SEM1: variants seen among roughly 807,000 people sequenced by gnomAD.
The protein encoded by SEM1 is 26S proteasome complex subunit SEM1.
Under a neutral mutation model 12.7 loss-of-function variants are expected in SEM1, and 3 were observed. The observed-to-expected ratio is 0.24, with a 90% CI of 0.11 to 0.61. The LOEUF is 0.61. Among genes scored for constraint, SEM1 ranks in the 20% least tolerant of loss-of-function variants. SEM1 has a pLI of 0.88. For missense variants in SEM1, 59 were observed against 81.3 expected (o/e 0.73, Z 1.06); for synonymous variants, 30 against 27.8 (o/e 1.08, Z -0.25).
chr7:96,646,942 T>C (rs767633613), intron 2 of SEM1, among the ~76,000 whole-genome samples: 36 of 152,204 alleles, frequency 2.4e-4, no homozygotes, highest in Non-Finnish European at 2.8e-4. Context: ...GAAGGAATGT[T>C]TGCTCCTTTC....
At chr7:96,541,638 T>C (rs1804959041) in intron 2 of SEM1, among the ~76,000 whole-genome samples, 1 of 151,704 alleles carries the variant, frequency 6.6e-6, no homozygotes, top group Non-Finnish European at 1.5e-5. Flanking sequence ...TTGTGGCAAT[T>C]GCTTTTGAGG....
intron 2 of SEM1, among the ~76,000 whole-genome samples, chr7:96,654,349 A>G (rs570439483): frequency 1.3e-5 from 2 of 152,338 alleles, no homozygotes; most frequent in South Asian, 4.1e-4. Context: ...CTCCTAGTAT[A>G]ATCAAGGACT....
intron 2 of SEM1, among the ~76,000 whole-genome samples, chr7:96,643,519 G>A (rs9719957): frequency 0.1 from 15,156 of 151,714 alleles, 815 homozygotes; most frequent in East Asian, 0.15. Flanking sequence ...TGTTTACTGC[G>A]GCACTATTCA....
intron 2 of SEM1, among the ~76,000 whole-genome samples, chr7:96,682,733 G>T (rs1789651955): frequency 6.6e-6 from 1 of 151,868 alleles, no homozygotes; most frequent in Non-Finnish European, 1.5e-5. Flanking sequence ...GAGTGAACAG[G>T]TAACCTACAG....
chr7:96,486,118 T>C lies in SEM1; in HGVS notation c.227+85A>G, dbSNP rs942637482. ...ATGTCACAATGTTGCTGGCCTTTAG[T>C]TTTAGTATCTGGTGTCAAAGACTTA... On this transcript the variant is annotated intron_variant, in intron 2 of 3. Transcript: ENST00000356686. 29 of 961,150 alleles carry C rather than the reference T, an allele frequency of 3.0e-5. No individual in the cohort carries two copies. In the African/African-American group the frequency reaches 4.5e-4, roughly 15 times the overall value. The allele number at this position is 961,150 out of a possible 1,614,324, so 59.5% of individuals were successfully genotyped here. A position where few individuals can be genotyped will look rare whatever the true frequency, so the allele number is the denominator to read the frequency against.
At chr7:96,659,928 A>AAAAC (rs1554430877) in intron 2 of SEM1, among the ~76,000 whole-genome samples, 1 of 151,112 alleles carries the variant, frequency 6.6e-6, no homozygotes, top group Non-Finnish European at 1.5e-5. Flanking sequence ...AAAAAAAAAA[A>AAAAC]AACAAAAACA....
intron 2 of SEM1, among the ~76,000 whole-genome samples, chr7:96,530,443 A>G (rs1050228630): frequency 6.6e-6 from 1 of 152,116 alleles, no homozygotes; most frequent in African/African-American, 2.4e-5. Flanking sequence ...AGTGAGTGCT[A>G]TGATCCCAGG....
At chr7:96,673,200 C>T (rs1460173166), downstream of SEM1, 1 of 152,210 alleles carries the variant, frequency 6.6e-6, no homozygotes, top group Non-Finnish European at 1.5e-5. Context: ...ACGGCAACCT[C>T]CACCTCCCGG....
At chr7:96,574,035 G>C (rs10953188) in intron 2 of SEM1, among the ~76,000 whole-genome samples, 1 of 151,588 alleles carries the variant, frequency 6.6e-6, no homozygotes, top group African/African-American at 2.4e-5. Context: ...TGCTGCACCC[G>C]TTAACTCATC....
chr7:96,660,033 CT>C (rs1411605584), intron 2 of SEM1, among the ~76,000 whole-genome samples: 1 of 151,562 alleles, frequency 6.6e-6, no homozygotes, highest in Non-Finnish European at 1.5e-5. Flanking sequence ...GTAAAACCTA[CT>C]GTTGATTATA....
rs1162345498 is a variant in SEM1 at position 96,615,239 on chromosome 7, ATCTTTTTTTT to A, written c.170+79549_170+79558del. ...GGACTGTTGGGTTATTTTTTGAGTC[ATCTTTTTTTT>A]TTTTTTTTTTTTTTTTGGAGACAGA... is the stretch of plus-strand genomic sequence containing the variant. On this transcript the variant is annotated intron_variant and NMD_transcript_variant, in intron 2 of 3. Transcript: ENST00000466986. 2.9e-4 allele frequency among the ~76,000 whole-genome samples: 28 copies of A among 98,180 alleles called. 2 individuals carry two copies. Among genetic ancestry groups the A allele is most frequent in the South Asian group, 7.0e-4 (2 of 2,866 alleles). 64.4% of individuals were successfully genotyped at this position (98,180 alleles called of 152,430 possible).
rs898107145 is a variant in SEM1, at chr7:96,666,028, A to G, written c.170+28770T>C. Among the ~76,000 whole-genome samples, 5 of 152,216 alleles carry G rather than the reference A, an allele frequency of 3.3e-5. No homozygotes were observed. In the South Asian group the frequency reaches 1.0e-3, roughly 31 times the overall value. On this transcript the variant is annotated intron_variant, in intron 2 of 2. Coordinates refer to the SEM1 transcript ENST00000417009. Reference sequence around the variant, plus strand: ...AAGTCCATGCACTTAATCACTAGCAAGTGGGAAAAAAGCTGTCATTGTGAG... The same window carrying G: ...AAGTCCATGCACTTAATCACTAGCAGGTGGGAAAAAAGCTGTCATTGTGAG...
intron 2 of SEM1, among the ~76,000 whole-genome samples, chr7:96,674,796 GCA>G (rs1277988362): frequency 6.6e-6 from 1 of 152,130 alleles, no homozygotes; most frequent in Non-Finnish European, 1.5e-5. Context: ...GAAATTTTGT[GCA>G]CAGAGGAAAC....
intron 2 of SEM1, among the ~76,000 whole-genome samples, chr7:96,608,059 C>T (rs1807438333): frequency 6.6e-6 from 1 of 151,976 alleles, no homozygotes; most frequent in Non-Finnish European, 1.5e-5. Flanking sequence ...GTGTGGGGTT[C>T]CTTTTGGAAC....
At chr7:96,519,899 A>G (rs557298388) in intron 2 of SEM1, among the ~76,000 whole-genome samples, 47 of 152,218 alleles carry the variant, frequency 3.1e-4, no homozygotes, top group African/African-American at 1.1e-3. Flanking sequence ...CCTAACAGTC[A>G]TGTACTTGCA....
chr7:96,690,881 C>T (rs573651449), intron 2 of SEM1, among the ~76,000 whole-genome samples: 1 of 152,286 alleles, frequency 6.6e-6, no homozygotes, highest in East Asian at 1.9e-4. Flanking sequence ...TGCCATTGTC[C>T]TGCCTCAGCC....
At chr7:96,603,424 T>A (rs530945133) in intron 2 of SEM1, among the ~76,000 whole-genome samples, 3 of 152,262 alleles carry the variant, frequency 2.0e-5, no homozygotes, top group Admixed American at 1.3e-4. Context: ...GAGGAAGATG[T>A]GGCTGTCAGT....
chr7:96,605,089 T>C (rs998582984), intron 2 of SEM1, among the ~76,000 whole-genome samples: 3 of 152,176 alleles, frequency 2.0e-5, no homozygotes, highest in African/African-American at 7.2e-5. Flanking sequence ...GTGGATTAAA[T>C]AAGTTAACAT....
intron 2 of SEM1, 56 bp downstream of exon 2, chr7:96,694,742 T>C (rs1790035166): frequency 8.9e-7 from 1 of 1,124,336 alleles, no homozygotes; most frequent in East Asian, 2.4e-5. Context: ...GTAAATTACA[T>C]ATTCCATGCT....
Sources: allele counts gnomAD v4.1 joint callset (sites outside exome capture counted in the v4.1 genomes callset), GRCh38; gene constraint gnomAD v4.1.1; transcripts MANE v1.5; gene names NCBI Gene and HGNC (gene_info 2026-07-23, HGNC 2026-07-21).